SDK1: variants seen among roughly 807,000 people sequenced by gnomAD.
SDK1 encodes the protein sidekick cell adhesion molecule 1, also known as protein sidekick-1.
A neutral mutation model predicts 245.5 loss-of-function variants in SDK1; 157 were observed. The ratio of observed to expected loss-of-function variants is 0.64; its 90% CI spans 0.56 to 0.73. SDK1 has a LOEUF of 0.73. SDK1 is among the 30% of genes least tolerant of loss of function. The pLI, the probability that SDK1 is intolerant of heterozygous loss-of-function variation, is 0.00. For missense variants in SDK1, 3,583 were observed against 3,002.3 expected (o/e 1.19, Z -4.52); for synonymous variants, 1,647 against 1,278.5 (o/e 1.29, Z -6.15).
chr7:3,890,736 G>A (rs1460235931), intron 5 of SDK1, among the ~76,000 whole-genome samples: 1 of 152,128 alleles, frequency 6.6e-6, no homozygotes, highest in African/African-American at 2.4e-5. Flanking sequence ...GAGGTCAGGA[G>A]TTCGAGACGA....
chr7:3,454,293 C>A (rs1187199303), intron 1 of SDK1, among the ~76,000 whole-genome samples: 1 of 151,808 alleles, frequency 6.6e-6, no homozygotes, highest in African/African-American at 2.4e-5. Flanking sequence ...AGAGTTTCAT[C>A]TTTATCATTC....
In SDK1 at chr7:4,259,992, G is replaced by A. The variant is rs980314991; in HGVS notation, c.6382-5132G>A. Among the ~76,000 whole-genome samples the A allele has an allele frequency of 7.2e-5, 11 of 152,226 alleles. No homozygotes were observed. In the South Asian group the frequency reaches 8.3e-4, roughly 11 times the overall value. On this transcript the variant is annotated intron_variant, in intron 44 of 44. Transcript: ENST00000404826. ...TCAGCCAGTTGCAGAGATCATGCCC[G>A]GGCATTAATCTGGTATGTAATCGGT...
At chr7:3,581,781 TGTG>T (rs1218260192) in intron 1 of SDK1, among the ~76,000 whole-genome samples, 1 of 152,164 alleles carries the variant, frequency 6.6e-6, no homozygotes, top group Non-Finnish European at 1.5e-5. Context: ...ATAAAGAAAA[TGTG>T]GTACATATAC....
At chr7:4,220,391 A>G (rs1400381839) in intron 39 of SDK1, 121 bp downstream of exon 39, 4 of 1,086,262 alleles carry the variant, frequency 3.7e-6, no homozygotes, top group Non-Finnish European at 5.2e-6. Flanking sequence ...AAGAGCTGGC[A>G]TCAACTCGGG....
chr7:3,816,561 C>G (rs962253905), intron 4 of SDK1, among the ~76,000 whole-genome samples: 1 of 151,704 alleles, frequency 6.6e-6, no homozygotes, highest in Non-Finnish European at 1.5e-5. Flanking sequence ...AGTTGAATCT[C>G]TGAATAGACC....
At chr7:4,012,683 C>T (rs1786086661) in intron 16 of SDK1, among the ~76,000 whole-genome samples, 1 of 146,960 alleles carries the variant, frequency 6.8e-6, no homozygotes, top group African/African-American at 2.5e-5. Context: ...AAGCAATTCT[C>T]CTGCCTCAGC....
intron 1 of SDK1, among the ~76,000 whole-genome samples, chr7:3,574,344 C>T (rs139090026): frequency 0.013 from 2,014 of 152,032 alleles, 38 homozygotes; most frequent in Non-Finnish European, 0.019. Context: ...TTTCGAACTC[C>T]TGACCTCATG....
In SDK1 at chr7:3,684,029, G is replaced by A. The variant is rs116668616; in HGVS notation, c.713+41924G>A. Among the ~76,000 whole-genome samples, 395 of 152,222 alleles carry A rather than the reference G, an allele frequency of 2.6e-3. 2 individuals are homozygous for A. The highest frequency in any genetic ancestry group is 8.7e-3 in the African/African-American group (360 of 41,548). ...ATGAAAGGTAATGTGCATCTCCACC[G>A]CTGCTCCACTCAAGCGTTCAGGTGC... On this transcript the variant is annotated intron_variant, in intron 4 of 44. Coordinates refer to ENST00000404826, the MANE Select transcript of SDK1 (RefSeq NM_152744.4).
At chr7:3,919,232 A>T (rs1779499548) in intron 5 of SDK1, among the ~76,000 whole-genome samples, 1 of 152,250 alleles carries the variant, frequency 6.6e-6, no homozygotes, top group African/African-American at 2.4e-5. Flanking sequence ...CCCCCAGGCC[A>T]TAATGAGGGT....
intron 35 of SDK1, among the ~76,000 whole-genome samples, chr7:4,184,817 G>T (rs1782790462): frequency 6.6e-6 from 1 of 152,190 alleles, no homozygotes. Flanking sequence ...GAGTTGCAGA[G>T]CCTGGGACAG....
intron 1 of SDK1, among the ~76,000 whole-genome samples, chr7:3,371,221 G>C (rs1035709492): frequency 6.6e-6 from 1 of 152,162 alleles, no homozygotes; most frequent in Non-Finnish European, 1.5e-5. Flanking sequence ...AAATCTGAAA[G>C]GGAGAAATGT....
At chr7:3,617,591 C>T (rs2128644231) in intron 1 of SDK1, among the ~76,000 whole-genome samples, 1 of 152,290 alleles carries the variant, frequency 6.6e-6, no homozygotes, top group South Asian at 2.1e-4. Context: ...AGAGGCTGGA[C>T]AGTTCAACAA....
chr7:3,723,863 C>T (rs1393382157), intron 4 of SDK1, among the ~76,000 whole-genome samples: 5 of 132,836 alleles, frequency 3.8e-5, no homozygotes, highest in African/African-American at 6.2e-5. Context: ...TACATATACA[C>T]GTGTATATAC....
intron 4 of SDK1, among the ~76,000 whole-genome samples, chr7:3,706,605 T>G (rs1436913407): frequency 1.3e-5 from 2 of 152,178 alleles, no homozygotes; most frequent in Non-Finnish European, 2.9e-5. Context: ...GGTTTCACCA[T>G]GTTAGCCAGG....
At chr7:3,419,696 C>T (rs1779484627) in intron 1 of SDK1, among the ~76,000 whole-genome samples, 3 of 152,186 alleles carry the variant, frequency 2.0e-5, no homozygotes, top group African/African-American at 7.2e-5. Flanking sequence ...ATTACATGTA[C>T]ACCTTTGGAA....
chr7:3,707,221 T>C (rs530225033), intron 4 of SDK1, among the ~76,000 whole-genome samples: 1 of 152,334 alleles, frequency 6.6e-6, no homozygotes, highest in Admixed American at 6.5e-5. Flanking sequence ...GCATTGCTTT[T>C]GCTGTATCCA....
At chr7:3,992,285 A>G (rs1053560025) in intron 14 of SDK1, among the ~76,000 whole-genome samples, 1 of 152,212 alleles carries the variant, frequency 6.6e-6, no homozygotes, top group African/African-American at 2.4e-5. Flanking sequence ...ACGGGACTCA[A>G]GGTGCATCTC....
intron 1 of SDK1, among the ~76,000 whole-genome samples, chr7:3,409,088 G>A (rs1371033065): frequency 6.6e-6 from 1 of 152,052 alleles, no homozygotes; most frequent in East Asian, 1.9e-4. Context: ...CCTCACCCTT[G>A]AGATATGAGT....
intron 17 of SDK1, among the ~76,000 whole-genome samples, chr7:4,037,255 C>T (rs950410276): frequency 1.3e-5 from 2 of 152,160 alleles, no homozygotes; most frequent in South Asian, 4.1e-4. Flanking sequence ...GAACAAGCTT[C>T]GACTGCACAC....
Sources: allele counts gnomAD v4.1 joint callset (sites outside exome capture counted in the v4.1 genomes callset), GRCh38; gene constraint gnomAD v4.1.1; transcripts MANE v1.5; gene names NCBI Gene and HGNC (gene_info 2026-07-23, HGNC 2026-07-21).